Variants in CTDSPL observed in about 807,000 individuals in gnomAD.
The protein encoded by CTDSPL is CTD small phosphatase-like protein.
Under a neutral mutation model 30.5 loss-of-function variants are expected in CTDSPL, and 8 were observed. The ratio of observed to expected loss-of-function variants is 0.26; its 90% CI spans 0.15 to 0.47. The LOEUF (loss-of-function observed/expected upper bound fraction) is 0.47, where lower values mean the gene tolerates loss of function less well. Ranked by LOEUF, CTDSPL falls within the 20% of genes least tolerant of loss-of-function variation. The pLI, the probability that CTDSPL is intolerant of heterozygous loss-of-function variation, is 0.99. For synonymous variants in CTDSPL, 110 were observed against 137.9 expected, an observed-to-expected ratio of 0.80 and a Z score of 1.42; for missense variants, 248 against 366.1, an observed-to-expected ratio of 0.68 and a Z score of 2.63.
intron 1 of CTDSPL, among the ~76,000 whole-genome samples, chr3:37,872,363 C>A (rs112689246): frequency 1.3e-5 from 2 of 151,530 alleles, no homozygotes; most frequent in Admixed American, 1.3e-4. Context: ...CCTTGTTCTT[C>A]GTATAATAAG....
At chr3:37,890,473 G>A (rs11717307) in intron 1 of CTDSPL, among the ~76,000 whole-genome samples, 8,936 of 152,110 alleles carry the variant, frequency 0.059, 299 homozygotes, top group African/African-American at 0.082. Context: ...TAGTATATTT[G>A]GTTAAAAAAA....
At position 37,861,929 on chromosome 3, in the gene CTDSPL, G is replaced by C. The variant is rs2125584348; in HGVS notation, c.-271G>C. The C allele has an allele frequency of 7.7e-6, 1 of 130,406 alleles. No individual in the cohort carries two copies. The highest frequency in any genetic ancestry group is 2.8e-5 in the African/African-American group (1 of 35,502). The allele number at this position is 130,406 out of a possible 1,614,324, so 8.1% of individuals were successfully genotyped here. ...CGCTTCCAGCGGCGCCGGGCCTCCC[G>C]CTCCGCCTCCCCGTGCGCGGCTCTC... On this transcript the variant is annotated 5_prime_UTR_variant, in exon 1 of 8. Coordinates refer to ENST00000273179, the MANE Select transcript of CTDSPL (RefSeq NM_001008392.2).
intron 4 of CTDSPL, 53 bp downstream of exon 4, chr3:37,964,725 T>C: frequency 1.4e-6 from 2 of 1,391,148 alleles, no homozygotes; most frequent in Non-Finnish European, 2.0e-6. Flanking sequence ...ATAACAATTG[T>C]ATTGGAAAAG....
At chr3:37,869,230 A>G (rs1180919430) in intron 1 of CTDSPL, among the ~76,000 whole-genome samples, 1 of 152,094 alleles carries the variant, frequency 6.6e-6, no homozygotes, top group African/African-American at 2.4e-5. Flanking sequence ...GATCAGATCA[A>G]GGTAATTAGC....
chr3:37,863,823 A>C (rs1267934887), intron 1 of CTDSPL, among the ~76,000 whole-genome samples: 4 of 152,214 alleles, frequency 2.6e-5, no homozygotes, highest in African/African-American at 9.6e-5. Context: ...ACCTGTTTGC[A>C]GTTTCGTAGA....
At chr3:37,957,196 C>T in intron 3 of CTDSPL, 53 bp downstream of exon 3, 1 of 1,296,232 alleles carries the variant, frequency 7.7e-7, no homozygotes, top group Non-Finnish European at 1.1e-6. Context: ...AATCTTGTGG[C>T]TTTGGGCCTA....
chr3:37,960,386 A>G (rs559166730), intron 3 of CTDSPL, among the ~76,000 whole-genome samples: 131 of 148,030 alleles, frequency 8.8e-4, no homozygotes, highest in Non-Finnish European at 1.4e-3. Flanking sequence ...AGGCTGAGGC[A>G]GGAGAATCAC....
At chr3:37,941,782 A>C (rs1043494782) in intron 1 of CTDSPL, among the ~76,000 whole-genome samples, 1 of 150,366 alleles carries the variant, frequency 6.7e-6, no homozygotes, top group Non-Finnish European at 1.5e-5. Context: ...AAATGGCAGC[A>C]TGTTGTAGCC....
At chr3:37,920,633 G>A (rs549977403) in intron 1 of CTDSPL, among the ~76,000 whole-genome samples, 1 of 152,298 alleles carries the variant, frequency 6.6e-6, no homozygotes, top group South Asian at 2.1e-4. Flanking sequence ...AAAGAGCCAG[G>A]CACTAATGAT....
chr3:37,984,360 T>C lies in CTDSPL; in HGVS notation c.*3493T>C. On this transcript the variant is annotated 3_prime_UTR_variant, in exon 8 of 8. Coordinates refer to ENST00000273179, the MANE Select transcript of CTDSPL (RefSeq NM_001008392.2). ...TTGAATGTGATAAACAATCCAGCATTACTTAGGAAATGCTACATGCGGAAT... is the reference window on the plus strand; with the variant it reads ...TTGAATGTGATAAACAATCCAGCATCACTTAGGAAATGCTACATGCGGAAT... The C allele has an allele frequency of 2.2e-6, 1 of 451,284 alleles. No homozygotes were observed. The highest frequency in any genetic ancestry group is 1.6e-5 in the South Asian group (1 of 64,468). The allele number at this position is 451,284 out of a possible 1,614,324, so 28.0% of individuals were successfully genotyped here. A position where few individuals can be genotyped will look rare whatever the true frequency, so the allele number is the denominator to read the frequency against.
chr3:37,930,901 T>C (rs924868282), intron 1 of CTDSPL, among the ~76,000 whole-genome samples: 1 of 152,238 alleles, frequency 6.6e-6, no homozygotes, highest in African/African-American at 2.4e-5. Flanking sequence ...GGTGAACATA[T>C]AACTCCTTTT....
In CTDSPL at chr3:37,891,463, C is replaced by T. The variant is rs548775376; in HGVS notation, c.79+29185C>T. On this transcript the variant is annotated intron_variant, in intron 1 of 7. Transcript: ENST00000273179. ...TGCAGGGCACCAGGCCAGCTGCAAG[C>T]GAGGACACAGCTGTTTGTGGAGACT... Among the ~76,000 whole-genome samples the T allele has an allele frequency of 9.8e-5, 15 of 152,334 alleles. No homozygotes were observed. In the South Asian group the frequency reaches 1.9e-3, roughly 19 times the overall value.
chr3:37,910,528 A>G (rs893693609), intron 1 of CTDSPL, among the ~76,000 whole-genome samples: 1 of 152,188 alleles, frequency 6.6e-6, no homozygotes. Context: ...ACCAGTCTGA[A>G]TATTTTACTT....
intron 1 of CTDSPL, among the ~76,000 whole-genome samples, chr3:37,908,841 A>T (rs182273157): frequency 6.6e-6 from 1 of 152,214 alleles, no homozygotes; most frequent in East Asian, 1.9e-4. Context: ...TTATTTTTGC[A>T]TTTCTTTGAT....
rs1463533653 is a variant in CTDSPL, at chr3:37,984,133, C to T, written c.*3266C>T. 8.9e-6 allele frequency: 4 copies of T among 448,520 alleles called. No homozygotes were observed. The highest frequency in any genetic ancestry group is 9.1e-6 in the Non-Finnish European group (2 of 220,386). The allele number at this position is 448,520 out of a possible 1,614,324, so 27.8% of individuals were successfully genotyped here. ...GCTGGACAGTTGGCATGCCAGGGTTCGAGAAGAGTGAATGGCTTGACGTAC... is the reference window on the plus strand; with the variant it reads ...GCTGGACAGTTGGCATGCCAGGGTTTGAGAAGAGTGAATGGCTTGACGTAC... On this transcript the variant is annotated 3_prime_UTR_variant, in exon 8 of 8. Transcript: ENST00000273179.
chr3:37,963,286 G>A (rs985094960), intron 3 of CTDSPL, among the ~76,000 whole-genome samples: 1 of 152,186 alleles, frequency 6.6e-6, no homozygotes, highest in Non-Finnish European at 1.5e-5. Context: ...GTCTGCCAAG[G>A]TGATCATTGT....
chr3:37,941,418 TC>T (rs1241595326), intron 1 of CTDSPL, among the ~76,000 whole-genome samples: 1 of 149,120 alleles, frequency 6.7e-6, no homozygotes, highest in African/African-American at 2.4e-5. Context: ...TATCTTTTTT[TC>T]TTTTTTTTTT....
At position 37,984,383 on chromosome 3, in the gene CTDSPL, AATGTGC is replaced by A; in HGVS notation, c.*3518_*3523del. 2.2e-6 allele frequency: 1 copy of A among 444,488 alleles called. No homozygotes were observed. The highest frequency in any genetic ancestry group is 1.6e-5 in the South Asian group (1 of 64,096). The allele number at this position is 444,488 out of a possible 1,614,324, so 27.5% of individuals were successfully genotyped here. A position where few individuals can be genotyped will look rare whatever the true frequency, so the allele number is the denominator to read the frequency against. ...ATTACTTAGGAAATGCTACATGCGG[AATGTGC>A]ACGTTTCCAGGGGCGAGTATTGTCA... On this transcript the variant is annotated 3_prime_UTR_variant, in exon 8 of 8. Coordinates refer to ENST00000273179, the MANE Select transcript of CTDSPL (RefSeq NM_001008392.2).
At chr3:37,894,649 G>A (rs967678509) in intron 1 of CTDSPL, among the ~76,000 whole-genome samples, 1 of 151,874 alleles carries the variant, frequency 6.6e-6, no homozygotes, top group Non-Finnish European at 1.5e-5. Context: ...TGTTTTTTCT[G>A]TCCCATTCTC....
Sources: allele counts gnomAD v4.1 joint callset (sites outside exome capture counted in the v4.1 genomes callset), GRCh38; gene constraint gnomAD v4.1.1; transcripts MANE v1.5; gene names NCBI Gene and HGNC (gene_info 2026-07-23, HGNC 2026-07-21).